Variants in ANAPC5 observed in about 807,000 individuals in gnomAD.
ANAPC5 encodes anaphase-promoting complex subunit 5.
A neutral mutation model predicts 91.3 loss-of-function variants in ANAPC5; 60 were observed. That is an observed-to-expected ratio of 0.66 (90% CI 0.53 to 0.81). The LOEUF is 0.81. Among genes scored for constraint, ANAPC5 ranks in the 40% least tolerant of loss-of-function variants. ANAPC5 has a pLI of 0.00. For missense variants in ANAPC5, 690 were observed against 931.5 expected, an observed-to-expected ratio of 0.74 and a Z score of 3.37; for synonymous variants, 340 against 364.1, an observed-to-expected ratio of 0.93 and a Z score of 0.75.
chr12:121,319,915 C>A (rs568168287), intron 12 of ANAPC5, 97 bp from the exon 13 acceptor site: 9 of 1,166,188 alleles, frequency 7.7e-6, no homozygotes, highest in Non-Finnish European at 1.1e-5. Flanking sequence ...AATATCCTTA[C>A]AATAATTCAC....
intron 16 of ANAPC5, among the ~76,000 whole-genome samples, chr12:121,308,919 CGGGT>C (rs1356213511): frequency 6.6e-6 from 1 of 150,638 alleles, no homozygotes; most frequent in Admixed American, 6.6e-5. Flanking sequence ...GAGGCCGAGG[CGGGT>C]GGATCACCTG....
At chr12:121,320,483 A>C (rs767253099) in intron 11 of ANAPC5, 24 bp from the exon 12 acceptor site, 4 of 1,609,242 alleles carry the variant, frequency 2.5e-6, no homozygotes, top group Middle Eastern at 1.6e-4. Context: ...ACACAATTTG[A>C]TCAGCATAAC....
chr12:121,334,421 A>C (rs1555273200), intron 7 of ANAPC5: 1 of 152,248 alleles, frequency 6.6e-6, no homozygotes, highest in African/African-American at 2.4e-5. Context: ...TCTGTATAGA[A>C]GGATGCCTGT....
intron 7 of ANAPC5, chr12:121,331,646 C>T (rs1555272938): frequency 8.4e-6 from 3 of 355,362 alleles, no homozygotes; most frequent in Non-Finnish European, 1.1e-5. Flanking sequence ...AGGGGAATTG[C>T]TACGAAAAGG....
chr12:121,349,464 G>A (rs1903801088), intron 1 of ANAPC5, among the ~76,000 whole-genome samples: 1 of 151,990 alleles, frequency 6.6e-6, no homozygotes, highest in Non-Finnish European at 1.5e-5. Context: ...GAAGACTGAG[G>A]TAGGAGGACA....
At chr12:121,344,960 T>C (rs782639128) in intron 4 of ANAPC5, among the ~76,000 whole-genome samples, 4 of 152,202 alleles carry the variant, frequency 2.6e-5, no homozygotes, top group Admixed American at 6.5e-5. Flanking sequence ...CTTCCCCAGA[T>C]GCTGCCTGAA....
chr12:121,335,910 G>C (rs1425489729), intron 6 of ANAPC5, among the ~76,000 whole-genome samples, 187 bp from the exon 7 acceptor site: 1 of 152,154 alleles, frequency 6.6e-6, no homozygotes, highest in Non-Finnish European at 1.5e-5. Flanking sequence ...TCCCCCTAGA[G>C]GGAGTCCACA....
chr12:121,325,137 C>T (rs1902760810), intron 11 of ANAPC5, among the ~76,000 whole-genome samples: 2 of 152,044 alleles, frequency 1.3e-5, no homozygotes, highest in South Asian at 4.1e-4. Flanking sequence ...ACATTCCAGC[C>T]CTGGTGATAC....
chr12:121,341,934 C>T, intron 5 of ANAPC5, 69 bp downstream of exon 5: 2 of 1,255,218 alleles, frequency 1.6e-6, no homozygotes, highest in South Asian at 1.3e-5. Flanking sequence ...TGCCACAACA[C>T]ACATCACAGG....
intron 9 of ANAPC5, among the ~76,000 whole-genome samples, chr12:121,329,724 T>A (rs1902962517): frequency 6.6e-6 from 1 of 151,784 alleles, no homozygotes; most frequent in African/African-American, 2.4e-5. Flanking sequence ...CAAGCGACTC[T>A]CCTGCCTCAG....
chr12:121,336,890 A>G (rs1034734312), intron 6 of ANAPC5, among the ~76,000 whole-genome samples: 4 of 152,152 alleles, frequency 2.6e-5, no homozygotes, highest in Admixed American at 2.6e-4. Context: ...ACCTGGGCCA[A>G]TGGGCTGATT....
chr12:121,335,769 C>A, intron 6 of ANAPC5, 46 bp from the exon 7 acceptor site: 1 of 1,515,640 alleles, frequency 6.6e-7, no homozygotes, highest in South Asian at 1.2e-5. Flanking sequence ...GTAAATATCT[C>A]TGGTGTAAGA....
Position 121,327,103 on chromosome 12 carries a change from G to A in ANAPC5, c.1433C>T (p.Ala478Val), listed in dbSNP as rs782511441. 9 of 1,602,744 alleles carry A rather than the reference G, an allele frequency of 5.6e-6. No homozygotes were observed. Among genetic ancestry groups the A allele is most frequent in the African/African-American group, 4.0e-5 (3 of 74,594 alleles). ...VALCHLAELH[A>V]EQGCFAAASE... ...GCCCGGCCACCTGCCTACCTGCTCC[G>A]CGTGTAGCTCTGCGAGGTGGCAGAG... Residue 478 changes from alanine (A) to valine (V), a missense_variant, in exon 11 of 17, where the codon GCG (alanine) becomes GTG (valine). Ala to Val is a moderately conservative substitution (Grantham distance 64). Transcript: ENST00000261819.
rs1903716025 is a variant in ANAPC5 at position 121,347,505 on chromosome 12, C to T, written c.287+297G>A. 8.5e-6 allele frequency: 3 copies of T among 354,104 alleles called. No individual in the cohort carries two copies. The East Asian group carries it at 1.8e-4, about 21-fold the overall frequency. 21.9% of individuals were successfully genotyped at this position (354,104 alleles called of 1,614,324 possible). A position where few individuals can be genotyped will look rare whatever the true frequency, so the allele number is the denominator to read the frequency against. On this transcript the variant is annotated intron_variant, in intron 2 of 16. Transcript: ENST00000261819. ...AATTAGCCAGGTTTGGTGGTGTATG[C>T]TTGTAGTCCCAGCTACTTGGGAGTC...
chr12:121,350,559 T>C (rs1555275196), intron 1 of ANAPC5, among the ~76,000 whole-genome samples: 3 of 152,004 alleles, frequency 2.0e-5, no homozygotes, highest in African/African-American at 7.2e-5. Context: ...CGGGAGCCTA[T>C]AGTCCCAGCT....
At chr12:121,327,807 A>G (rs1376456369) in intron 10 of ANAPC5, 1 of 157,640 alleles carries the variant, frequency 6.3e-6, no homozygotes, top group Non-Finnish European at 1.4e-5. Flanking sequence ...AAAGTACACA[A>G]TAAGATGAAA....
chr12:121,334,869 T>C (rs570162456), intron 7 of ANAPC5: 1 of 152,328 alleles, frequency 6.6e-6, no homozygotes, highest in East Asian at 1.9e-4. Flanking sequence ...TAATTTCTTT[T>C]TCACTGAACG....
In ANAPC5 at chr12:121,309,782, C is replaced by T. The variant is rs1396913240; in HGVS notation, c.1975G>A (p.Asp659Asn). 6.2e-7 allele frequency: 1 copy of T among 1,614,170 alleles called. No individual in the cohort carries two copies. The highest frequency in any genetic ancestry group is 8.5e-7 in the Non-Finnish European group (1 of 1,180,028). Residue 659 changes from aspartate to asparagine, a missense_variant, in exon 16 of 17, where the codon GAC becomes AAC. Asp to Asn is a conservative substitution (Grantham distance 23). This residue lies in a region of ANAPC5 where 317 missense variants were observed against 438.7 expected (regional missense o/e 0.72). Coordinates refer to ENST00000261819, the MANE Select transcript of ANAPC5 (RefSeq NM_016237.5). ...EPILADGAIL[D>N]KGRAMFLVAK... ...ACTAAGAACATGGCACGACCTTTGT[C>T]CAGGATAGCCCCGTCAGCCAAGATG...
chr12:121,322,165 G>GA (rs1902642876), intron 11 of ANAPC5, among the ~76,000 whole-genome samples: 1 of 138,188 alleles, frequency 7.2e-6, no homozygotes, highest in Admixed American at 7.2e-5. Context: ...CACCTGGCCT[G>GA]TTTTTTTTTT....
Sources: gnomAD v4.1 joint callset for allele counts (sites outside exome capture counted in the v4.1 genomes callset) on GRCh38, gnomAD v4.1.1 for gene constraint, gnomAD v4.1.1 regional missense constraint, MANE v1.5 for transcripts, NCBI Gene and HGNC (gene_info 2026-07-23, HGNC 2026-07-21) for gene names.